The following ERBB4 variants were observed in gnomAD, a reference collection of about 807,000 sequenced individuals.
The protein encoded by ERBB4 is receptor tyrosine-protein kinase erbB-4.
In ERBB4, 42 loss-of-function variants were observed where a neutral mutation model predicts 158.0. That is an observed-to-expected ratio of 0.27 (90% CI 0.21 to 0.34). ERBB4 has a LOEUF of 0.34. ERBB4 is among the 10% of genes least tolerant of loss of function. The pLI is 1.00. For synonymous variants in ERBB4, 583 were observed against 558.7 expected, an observed-to-expected ratio of 1.04 and a Z score of -0.61; for missense variants, 1,333 against 1,624.1, an observed-to-expected ratio of 0.82 and a Z score of 3.08.
chr2:212,371,519 G>A (rs1251691768), intron 1 of ERBB4, among the ~76,000 whole-genome samples: 1 of 152,074 alleles, frequency 6.6e-6, no homozygotes, highest in Non-Finnish European at 1.5e-5. Flanking sequence ...ACTACGTACT[G>A]TCTTTTAAAA....
intron 3 of ERBB4, among the ~76,000 whole-genome samples, chr2:211,859,340 T>A (rs1199959418): frequency 1.3e-5 from 2 of 152,190 alleles, no homozygotes; most frequent in Non-Finnish European, 2.9e-5. Context: ...AACTTGATTA[T>A]CATGTTATCA....
chr2:211,436,217 T>C (rs557128968), intron 20 of ERBB4, among the ~76,000 whole-genome samples: 21 of 152,338 alleles, frequency 1.4e-4, no homozygotes, highest in Admixed American at 8.5e-4. Context: ...ATGCAAGTGA[T>C]TGACATTTTT....
At chr2:211,632,816 A>G (rs1006383634) in intron 16 of ERBB4, among the ~76,000 whole-genome samples, 5 of 152,024 alleles carry the variant, frequency 3.3e-5, no homozygotes, top group Admixed American at 1.3e-4. Flanking sequence ...TACTTTCAGT[A>G]TTTTCTCACA....
intron 4 of ERBB4, among the ~76,000 whole-genome samples, chr2:211,765,572 G>C (rs544141342): frequency 6.6e-6 from 1 of 152,194 alleles, no homozygotes; most frequent in South Asian, 2.1e-4. Context: ...AAAACTGCAT[G>C]ATGGTAATCA....
intron 1 of ERBB4, among the ~76,000 whole-genome samples, chr2:212,529,646 A>T (rs6745293): frequency 0.21 from 32,563 of 152,086 alleles, 3,950 homozygotes; most frequent in African/African-American, 0.34. Flanking sequence ...ATGTAAAAAA[A>T]ATTTTTAAAG....
intron 4 of ERBB4, among the ~76,000 whole-genome samples, chr2:211,786,575 A>G (rs576959132): frequency 6.6e-6 from 1 of 152,344 alleles, no homozygotes; most frequent in African/African-American, 2.4e-5. Flanking sequence ...ACAAAGAGAC[A>G]CCATCTGTGA....
At chr2:211,558,347 T>A (rs139713297) in intron 20 of ERBB4, among the ~76,000 whole-genome samples, 21 of 152,280 alleles carry the variant, frequency 1.4e-4, no homozygotes, top group African/African-American at 4.8e-4. Flanking sequence ...GATCTGTTCT[T>A]ATGTCTTCTG....
chr2:212,491,399 G>A (rs1690269360), intron 1 of ERBB4, among the ~76,000 whole-genome samples: 1 of 151,486 alleles, frequency 6.6e-6, no homozygotes. Context: ...CCATTTTGAA[G>A]GCAATAGATT....
chr2:212,474,532 G>T (rs1204465258), intron 1 of ERBB4, among the ~76,000 whole-genome samples: 1 of 152,066 alleles, frequency 6.6e-6, no homozygotes, highest in Admixed American at 6.6e-5. Flanking sequence ...TTCAAGGGGG[G>T]CATGGGCTTT....
intron 3 of ERBB4, among the ~76,000 whole-genome samples, chr2:211,941,298 A>G (rs142550280): frequency 7.0e-4 from 106 of 151,720 alleles, no homozygotes; most frequent in Admixed American, 1.1e-3. Context: ...AATATGCTGA[A>G]TAGATCTTCT....
chr2:212,145,751 A>G (rs1309561841), intron 1 of ERBB4, among the ~76,000 whole-genome samples: 2 of 127,174 alleles, frequency 1.6e-5, no homozygotes, highest in African/African-American at 5.9e-5. Flanking sequence ...AAAAAAAAAA[A>G]GCCACTGGAG....
At chr2:211,490,876 G>A (rs2065324519) in intron 20 of ERBB4, among the ~76,000 whole-genome samples, 2 of 152,038 alleles carry the variant, frequency 1.3e-5, no homozygotes, top group South Asian at 4.1e-4. Context: ...ACATATGCAA[G>A]CATATTATTG....
chr2:212,359,154 T>C (rs1247718143), intron 1 of ERBB4, among the ~76,000 whole-genome samples: 3 of 151,702 alleles, frequency 2.0e-5, no homozygotes, highest in Non-Finnish European at 4.4e-5. Context: ...CCCTTTAAAA[T>C]GTCTTGACTC....
intron 12 of ERBB4, among the ~76,000 whole-genome samples, chr2:211,682,035 G>C (rs966401360): frequency 7.3e-6 from 1 of 136,462 alleles, no homozygotes; most frequent in Non-Finnish European, 1.5e-5. Context: ...GAACCATTAA[G>C]ACATTTTATA....
At chr2:211,393,295 T>A (rs746137320) in intron 25 of ERBB4, among the ~76,000 whole-genome samples, 3 of 152,212 alleles carry the variant, frequency 2.0e-5, no homozygotes, top group Admixed American at 6.5e-5. Flanking sequence ...TATTTATTCT[T>A]ATAAACTTGT....
chr2:211,939,834 C>G (rs1024916214), intron 3 of ERBB4, among the ~76,000 whole-genome samples: 1 of 151,732 alleles, frequency 6.6e-6, no homozygotes, highest in African/African-American at 2.4e-5. Flanking sequence ...GTAGTCCCAG[C>G]TACTTGGGAG....
intron 3 of ERBB4, among the ~76,000 whole-genome samples, chr2:211,892,987 A>C (rs1027563457): frequency 4.7e-5 from 7 of 147,642 alleles, no homozygotes; most frequent in African/African-American, 1.8e-4. Context: ...CATACTGCCC[A>C]AGGTAATTTA....
At chr2:212,173,190 TC>T (rs2081570415) in intron 1 of ERBB4, among the ~76,000 whole-genome samples, 2 of 151,914 alleles carry the variant, frequency 1.3e-5, no homozygotes, top group Middle Eastern at 3.4e-3. Context: ...AAAACACAAA[TC>T]CCTATGTTTG....
At chr2:211,865,531 A>G (rs930917047) in intron 3 of ERBB4, among the ~76,000 whole-genome samples, 1 of 151,958 alleles carries the variant, frequency 6.6e-6, no homozygotes, top group African/African-American at 2.4e-5. Flanking sequence ...CTTGTTTCCC[A>G]GGCTGGAGTG....
Sources: allele counts gnomAD v4.1 joint callset (sites outside exome capture counted in the v4.1 genomes callset), GRCh38; gene constraint gnomAD v4.1.1; transcripts MANE v1.5; gene names NCBI Gene and HGNC (gene_info 2026-07-23, HGNC 2026-07-21).